The following SPTAN1 variants were observed in gnomAD, a reference collection of about 807,000 sequenced individuals.
SPTAN1 encodes spectrin alpha, non-erythrocytic 1.
In SPTAN1, 61 loss-of-function variants were observed where a neutral mutation model predicts 331.3. The ratio of observed to expected loss-of-function variants is 0.18; its 90% CI spans 0.15 to 0.23. The LOEUF (loss-of-function observed/expected upper bound fraction) is 0.23, where lower values mean the gene tolerates loss of function less well. Ranked by LOEUF, SPTAN1 falls within the 10% of genes least tolerant of loss-of-function variation. SPTAN1 has a pLI of 1.00. For missense variants in SPTAN1, 2,043 were observed against 3,147.9 expected (o/e 0.65, Z 8.40); for synonymous variants, 1,153 against 1,173.9 (o/e 0.98, Z 0.36).
intron 44 of SPTAN1, among the ~76,000 whole-genome samples, chr9:128,620,905 A>C (rs1289900876): frequency 6.6e-6 from 1 of 152,170 alleles, no homozygotes; most frequent in Non-Finnish European, 1.5e-5. Flanking sequence ...CCCTTCCCAA[A>C]GGTCCAAAGA....
intron 1 of SPTAN1, among the ~76,000 whole-genome samples, chr9:128,557,177 AT>A (rs1848728466): frequency 6.6e-6 from 1 of 152,232 alleles, no homozygotes; most frequent in Non-Finnish European, 1.5e-5. Context: ...GTCCCTAAAA[AT>A]CCCTTTCTTG....
intron 18 of SPTAN1, among the ~76,000 whole-genome samples, chr9:128,585,195 A>G (rs1231761870): frequency 6.6e-6 from 1 of 151,584 alleles, no homozygotes; most frequent in Non-Finnish European, 1.5e-5. Context: ...TTGTATTTTT[A>G]TTTTTGTATT....
chr9:128,600,606 A>G (rs898361752), intron 27 of SPTAN1, among the ~76,000 whole-genome samples: 2 of 152,216 alleles, frequency 1.3e-5, no homozygotes, highest in Non-Finnish European at 2.9e-5. Flanking sequence ...GGGTGTGAAT[A>G]TGGCTTAACC....
chr9:128,564,640 C>G (rs2132901732), intron 1 of SPTAN1, among the ~76,000 whole-genome samples: 1 of 152,138 alleles, frequency 6.6e-6, no homozygotes, highest in Non-Finnish European at 1.5e-5. Flanking sequence ...TGTAATCATA[C>G]CTTAGGATGT....
rs2228952 is a variant in SPTAN1, at chr9:128,633,289, C to T, written c.7389C>T (p.Thr2463=). The T allele has an allele frequency of 4.4e-3, 7,100 of 1,614,000 alleles. 254 individuals carry two copies. In the African/African-American group the frequency reaches 0.083, roughly 19 times the overall value. The change falls in exon 57 of 57, where the codon ACC becomes ACT. Residue 2463 remains threonine (T), a synonymous_variant. Coordinates refer to ENST00000372739, the MANE Select transcript of SPTAN1 (RefSeq NM_001130438.3). The stretch of plus-strand genomic sequence containing the variant: ...ACGGCAAGGGCCGCGAGCTCCCCAC[C>T]GCGTTCGACTACGTGGAGTTCACCC... The part of the protein sequence containing the change: ...YVDGKGRELP[T]AFDYVEFTRS...
In SPTAN1 at chr9:128,578,302, T is replaced by C. The variant is rs559032935; in HGVS notation, c.1221+57T>C. 4 of 1,604,250 alleles carry C rather than the reference T, an allele frequency of 2.5e-6. No individual in the cohort carries two copies. In the South Asian group the frequency reaches 4.4e-5, roughly 18 times the overall value. The stretch of plus-strand genomic sequence containing the variant: ...AAGATTTTAGCTTATAATGCACCAG[T>C]TTATCAGTGTTGGGTGAGGCCTATA... On this transcript the variant is annotated intron_variant, in intron 9 of 56. Transcript: ENST00000372739.
chr9:128,605,280 C>A lies in SPTAN1; in HGVS notation c.3865-16C>A. 1 of 1,614,164 alleles carries A rather than the reference C, an allele frequency of 6.2e-7. No individual in the cohort carries two copies. The highest frequency in any genetic ancestry group is 8.5e-7 in the Non-Finnish European group (1 of 1,180,034). ...ACCCCCTTACTGCAAGCTCATTCAC[C>A]ACTTTCTTCCCATAGGTAAACTCCC... is the stretch of plus-strand genomic sequence containing the variant. On this transcript the variant is annotated splice_polypyrimidine_tract_variant and intron_variant, in intron 30 of 56. Coordinates refer to ENST00000372739, the MANE Select transcript of SPTAN1 (RefSeq NM_001130438.3).
Position 128,582,694 on chromosome 9 carries a change from C to T in SPTAN1, c.1651C>T (p.Leu551=), listed in dbSNP as rs1177980374. The part of the protein sequence containing the change: ...MEDVATRRDA[L]LSRRNALHER... ...CTCACAGGGGATCCTTGTCTTTCAG[C>T]TGTTGAGCCGCCGCAATGCCCTTCA... The change falls in exon 14 of 57, where the codon CTG becomes TTG. Residue 551 remains leucine (L), a splice_region_variant and synonymous_variant. Coordinates refer to ENST00000372739, the MANE Select transcript of SPTAN1 (RefSeq NM_001130438.3). 6.2e-7 allele frequency: 1 copy of T among 1,613,136 alleles called. No individual in the cohort carries two copies. The highest frequency in any genetic ancestry group is 1.7e-5 in the Admixed American group (1 of 60,010).
rs544042080 is a variant in SPTAN1, at chr9:128,591,563, C to G, written c.3093C>G (p.Ser1031=). 1 of 1,614,160 alleles carries G rather than the reference C, an allele frequency of 6.2e-7. No homozygotes were observed. Among genetic ancestry groups the G allele is most frequent in the Admixed American group, 1.7e-5 (1 of 60,012 alleles). ...AATTGGACCCCGCCCAGTCAGCCTCCCGGGAGAATCTCCTGGAGGAGCAAG... is the reference window on the plus strand; with the variant it reads ...AATTGGACCCCGCCCAGTCAGCCTCGCGGGAGAATCTCCTGGAGGAGCAAG... The part of the protein sequence containing the change: ...VKKLDPAQSA[S]RENLLEEQGS... The change falls in exon 22 of 57, where the codon TCC becomes TCG. Residue 1031 remains serine, a synonymous_variant. Transcript: ENST00000372739.
At position 128,566,986 on chromosome 9, in the gene SPTAN1, G is replaced by T. The variant is rs368690134; in HGVS notation, c.237+9G>T. 1.9e-6 allele frequency: 3 copies of T among 1,613,838 alleles called. No individual in the cohort carries two copies. The stretch of plus-strand genomic sequence containing the variant: ...ACCCAACCAACTTGCAGGTACGTCT[G>T]ATCTCCTGGGATTCCTGCCAAAATT... On this transcript the variant is annotated intron_variant, in intron 2 of 56. Coordinates refer to ENST00000372739, the MANE Select transcript of SPTAN1 (RefSeq NM_001130438.3).
chr9:128,631,144 C>T (rs984919150), intron 52 of SPTAN1, among the ~76,000 whole-genome samples: 47 of 152,238 alleles, frequency 3.1e-4, no homozygotes, highest in Non-Finnish European at 6.2e-4. Flanking sequence ...CACTCCCGGC[C>T]GAGGGCTCTT....
chr9:128,628,677 G>C (rs966308454), intron 51 of SPTAN1: 4 of 178,724 alleles, frequency 2.2e-5, no homozygotes, highest in African/African-American at 7.1e-5. Context: ...GAGTGGCTTG[G>C]CCTGCACTCC....
At chr9:128,571,930 A>G (rs1850772798) in intron 3 of SPTAN1, among the ~76,000 whole-genome samples, 2 of 152,208 alleles carry the variant, frequency 1.3e-5, no homozygotes, top group Non-Finnish European at 2.9e-5. Flanking sequence ...AATCTCAGCT[A>G]ACTGCAACCT....
intron 40 of SPTAN1, among the ~76,000 whole-genome samples, chr9:128,614,035 G>T (rs1856847699): frequency 6.6e-6 from 1 of 152,038 alleles, no homozygotes. Context: ...AATTCAGGTT[G>T]TGGTGTTTTG....
rs773801018 is a variant in SPTAN1 at position 128,554,438 on chromosome 9, T to G, written c.-4+1742T>G. ...TGCACATGGGGAGAGCTGTTTTAAGTATGTCTTTTGGTTCCCTGGGTTAGA... is the reference window on the plus strand; with the variant it reads ...TGCACATGGGGAGAGCTGTTTTAAGGATGTCTTTTGGTTCCCTGGGTTAGA... On this transcript the variant is annotated intron_variant, in intron 1 of 56. Transcript: ENST00000372739. Among the ~76,000 whole-genome samples the G allele has an allele frequency of 1.8e-4, 28 of 152,210 alleles. 1 individual carries two copies. Among genetic ancestry groups the G allele is most frequent in the Admixed American group, 3.9e-4 (6 of 15,282 alleles).
chr9:128,591,429 C>G, intron 21 of SPTAN1, 48 bp from the exon 22 acceptor site: 1 of 1,613,014 alleles, frequency 6.2e-7, no homozygotes, highest in Non-Finnish European at 8.5e-7. Flanking sequence ...TTGGATTCTC[C>G]CTCTCAGAGA....
intron 55 of SPTAN1, 28 bp from the exon 56 acceptor site, chr9:128,632,780 C>T (rs1329694224): frequency 1.2e-6 from 2 of 1,613,946 alleles, no homozygotes; most frequent in Non-Finnish European, 1.7e-6. Flanking sequence ...GCCCTCCCTG[C>T]TCAGGCTCTT....
intron 24 of SPTAN1, among the ~76,000 whole-genome samples, chr9:128,595,448 T>C (rs929725548): frequency 2.6e-5 from 4 of 152,186 alleles, no homozygotes; most frequent in Admixed American, 6.5e-5. Context: ...TGAAACCTTT[T>C]TGGACAAATT....
At chr9:128,579,526 T>C in intron 9 of SPTAN1, 111 bp from the exon 10 acceptor site, 1 of 808,970 alleles carries the variant, frequency 1.2e-6, no homozygotes. Context: ...ATTTTGTTTC[T>C]CATTTTAGAT....
Sources: gnomAD v4.1 joint callset for allele counts (sites outside exome capture counted in the v4.1 genomes callset) on GRCh38, gnomAD v4.1.1 for gene constraint, MANE v1.5 for transcripts, NCBI Gene and HGNC (gene_info 2026-07-23, HGNC 2026-07-21) for gene names.